LRRC37A2: variants seen among roughly 807,000 people sequenced by gnomAD.
LRRC37A2 encodes the protein leucine-rich repeat-containing protein 37A2.
Under a neutral mutation model 68.8 loss-of-function variants are expected in LRRC37A2, and 9 were observed. The ratio of observed to expected loss-of-function variants is 0.13; its 90% confidence interval spans 0.08 to 0.23. The LOEUF (loss-of-function observed/expected upper bound fraction) is 0.23. Among genes scored for constraint, LRRC37A2 ranks in the 10% least tolerant of loss-of-function variants. The pLI, the probability that LRRC37A2 is intolerant of heterozygous loss-of-function variation, is 1.00. For missense variants in LRRC37A2, 168 were observed against 950.4 expected (o/e 0.18, Z 10.82); for synonymous variants, 63 against 367.6 (o/e 0.17, Z 9.48).
the LRRC37A2 span, among the ~76,000 whole-genome samples, chr17:46,992,301 G>A: frequency 6.6e-6 from 1 of 152,144 alleles, no homozygotes; most frequent in Non-Finnish European, 1.5e-5. Context: ...CCGGGAAGTG[G>A]AGGTTGCAGT....
chr17:46,500,893 T>C, the LRRC37A2 span, among the ~76,000 whole-genome samples: 3 of 150,996 alleles, frequency 2.0e-5, no homozygotes, highest in Non-Finnish European at 4.4e-5. Context: ...GAAATGCAAG[T>C]TCTGGGCCGG....
the LRRC37A2 span, chr17:46,876,816 A>C: frequency 1.1e-5 from 16 of 1,444,924 alleles, no homozygotes; most frequent in Non-Finnish European, 1.5e-5. Flanking sequence ...CATCACATGC[A>C]TGCATAAACC....
the LRRC37A2 span, among the ~76,000 whole-genome samples, chr17:46,807,418 G>T: frequency 6.6e-6 from 1 of 152,142 alleles, no homozygotes; most frequent in Non-Finnish European, 1.5e-5. Context: ...GGAGGCGGAG[G>T]TTGCAGTGAG....
chr17:46,876,164 G>C, the LRRC37A2 span: 5 of 1,336,996 alleles, frequency 3.7e-6, no homozygotes, highest in African/African-American at 2.9e-5. Flanking sequence ...CCTCTGCCCT[G>C]CTGGGGTTGG....
the LRRC37A2 span, among the ~76,000 whole-genome samples, chr17:46,828,074 C>T: frequency 2.2e-4 from 33 of 152,260 alleles, no homozygotes; most frequent in South Asian, 4.6e-3. Context: ...GATCCGCCCA[C>T]CTCGGCCTAT....
At chr17:47,010,293 C>T in the LRRC37A2 span, among the ~76,000 whole-genome samples, 1 of 152,156 alleles carries the variant, frequency 6.6e-6, no homozygotes, top group Non-Finnish European at 1.5e-5. Flanking sequence ...GCAAATGTAG[C>T]GACTGGTGCA....
At chr17:46,585,073 C>T in the LRRC37A2 span, among the ~76,000 whole-genome samples, 2 of 74,096 alleles carry the variant, frequency 2.7e-5, no homozygotes, top group African/African-American at 9.7e-5. Flanking sequence ...GAGGCCAAGG[C>T]GGGTGGATCT....
At chr17:46,635,921 A>G in the LRRC37A2 span, among the ~76,000 whole-genome samples, 1 of 99,308 alleles carries the variant, frequency 1.0e-5, no homozygotes, top group Non-Finnish European at 2.2e-5. Context: ...ATCCTCTTGA[A>G]CTTTTCTGGG....
At chr17:47,000,819 C>T in the LRRC37A2 span, among the ~76,000 whole-genome samples, 2 of 152,228 alleles carry the variant, frequency 1.3e-5, no homozygotes, top group African/African-American at 4.8e-5. Context: ...TCCATATCAG[C>T]CCTGCAGATA....
At chr17:47,005,101 A>G in the LRRC37A2 span, among the ~76,000 whole-genome samples, 1 of 152,232 alleles carries the variant, frequency 6.6e-6, no homozygotes, top group Non-Finnish European at 1.5e-5. Flanking sequence ...TGTTTTTAAC[A>G]TCTCACCCCA....
At chr17:46,733,488 CT>C in the LRRC37A2 span, among the ~76,000 whole-genome samples, 1 of 152,198 alleles carries the variant, frequency 6.6e-6, no homozygotes, top group East Asian at 1.9e-4. Context: ...GGGTTTGACA[CT>C]TTTGTGCATC....
At chr17:46,661,378 TTTATTA>T in the LRRC37A2 span, among the ~76,000 whole-genome samples, 110 of 106,522 alleles carry the variant, frequency 1.0e-3, no homozygotes, top group African/African-American at 4.3e-3. Context: ...TACATTTCTT[TTTATTA>T]TTATTATTAT....
the LRRC37A2 span, among the ~76,000 whole-genome samples, chr17:46,499,311 C>CAAAAAA: frequency 1.7e-4 from 10 of 60,536 alleles, no homozygotes; most frequent in Admixed American, 7.8e-4. Context: ...GACTCCAGCT[C>CAAAAAA]AAAAAAAAAA....
At chr17:46,971,203 G>T in the LRRC37A2 span, among the ~76,000 whole-genome samples, 2 of 152,112 alleles carry the variant, frequency 1.3e-5, no homozygotes, top group African/African-American at 4.8e-5. Flanking sequence ...CAGGCATGGT[G>T]GTGGGTGCCT....
chr17:46,821,403 C>T, the LRRC37A2 span, among the ~76,000 whole-genome samples: 1 of 152,214 alleles, frequency 6.6e-6, no homozygotes, highest in East Asian at 1.9e-4. Flanking sequence ...ACCCCTTGCG[C>T]TGCCGCGGGT....
At chr17:46,759,141 T>C in the LRRC37A2 span, among the ~76,000 whole-genome samples, 5 of 152,062 alleles carry the variant, frequency 3.3e-5, no homozygotes, top group Non-Finnish European at 1.5e-5. Context: ...GAGGCAGAGG[T>C]TGCAGTGAGC....
the LRRC37A2 span, among the ~76,000 whole-genome samples, chr17:46,910,834 T>G: frequency 2.6e-5 from 4 of 152,188 alleles, no homozygotes; most frequent in Admixed American, 2.0e-4. Context: ...GATCCATGAC[T>G]TGAGCCCACG....
Position 46,555,164 on chromosome 17 carries a change from A to AT in LRRC37A2, c.4875dup (p.Leu1626SerfsTer26). The AT allele has an allele frequency of 3.9e-6, 5 of 1,287,566 alleles. No individual in the cohort carries two copies. Among genetic ancestry groups the AT allele is most frequent in the Non-Finnish European group, 5.1e-6 (5 of 983,662 alleles). The allele number at this position is 1,287,566 out of a possible 1,614,324, so 79.8% of individuals were successfully genotyped here. The stretch of plus-strand genomic sequence containing the variant: ...TGTGTCTCCCCAGGGGCATTTTCAG[A>AT]TTTCTGCCATGGAGGGGATGCTCTT... On this transcript the variant is annotated frameshift_variant, in exon 13 of 15. Transcript: ENST00000576629. LOFTEE classifies it high-confidence loss of function.
chr17:46,758,001 G>GAA, the LRRC37A2 span, among the ~76,000 whole-genome samples: 2 of 137,796 alleles, frequency 1.5e-5, no homozygotes, highest in Non-Finnish European at 3.1e-5. Flanking sequence ...CTCAGAAAAA[G>GAA]AAAAAAAAAA....
Sources: gnomAD v4.1 joint callset for allele counts (sites outside exome capture counted in the v4.1 genomes callset) on GRCh38, gnomAD v4.1.1 for gene constraint, MANE v1.5 for transcripts, NCBI Gene and HGNC (gene_info 2026-07-23, HGNC 2026-07-21) for gene names.